SENP5: variants seen among roughly 807,000 people sequenced by gnomAD.
The protein encoded by SENP5 is SUMO specific peptidase 5.
SENP5 carries 21 observed loss-of-function variants against 74.2 expected under a neutral mutation model. That is an observed-to-expected ratio of 0.28 (90% CI 0.20 to 0.41). The LOEUF (loss-of-function observed/expected upper bound fraction) is 0.41. SENP5 is among the 10% of genes least tolerant of loss of function. SENP5 has a pLI of 1.00. For synonymous variants in SENP5, 311 were observed against 312.7 expected (o/e 0.99, Z 0.06); for missense variants, 717 against 889.1 (o/e 0.81, Z 2.46).
chr3:196,889,486 T>A (rs918348719), intron 2 of SENP5, among the ~76,000 whole-genome samples: 1 of 152,194 alleles, frequency 6.6e-6, no homozygotes, highest in East Asian at 1.9e-4. Context: ...AAAAATGGTA[T>A]CTCAGCAAGT....
rs966250542 is a variant in SENP5 at position 196,885,612 on chromosome 3, C to A, written c.431C>A (p.Pro144Gln). The change falls in exon 2 of 10, where the codon CCA (proline) becomes CAA (glutamine). Residue 144 changes from proline (P) to glutamine (Q), a missense_variant. Physicochemically the swap from Pro to Gln is moderately conservative, Grantham distance 76. This residue lies in a region of SENP5 where 567 missense variants were observed against 577.4 expected (regional missense o/e 0.98). Coordinates refer to ENST00000323460, the MANE Select transcript of SENP5 (RefSeq NM_152699.5). ...KNLLKAVTDF[P>Q]SNSALGQANG... ...CTCTTGAAGGCAGTTACTGACTTTC[C>A]ATCAAATAGTGCTTTAGGTCAGGCC... The A allele has an allele frequency of 3.7e-6, 6 of 1,614,042 alleles. No homozygotes were observed. Among genetic ancestry groups the A allele is most frequent in the Non-Finnish European group, 5.1e-6 (6 of 1,180,044 alleles).
chr3:196,930,459 C>T (rs975171817), intron 9 of SENP5, among the ~76,000 whole-genome samples: 1 of 152,176 alleles, frequency 6.6e-6, no homozygotes, highest in Non-Finnish European at 1.5e-5. Flanking sequence ...GTAGTTTAAA[C>T]AGACATGAAA....
intron 1 of SENP5, among the ~76,000 whole-genome samples, chr3:196,873,105 G>T (rs898881652): frequency 7.8e-6 from 1 of 128,420 alleles, no homozygotes; most frequent in African/African-American, 3.0e-5. Flanking sequence ...ACGGAGTCTC[G>T]CTCTGTTGCC....
chr3:196,929,570 T>G lies in SENP5; in HGVS notation c.2107-63T>G. ...TTTTGCGCATTTTTCCATAAAGGAG[T>G]TTTTCTTATCTGAAGAGAAGTAATG... On this transcript the variant is annotated intron_variant, in intron 8 of 9. Coordinates refer to ENST00000323460, the MANE Select transcript of SENP5 (RefSeq NM_152699.5). 4 of 1,067,290 alleles carry G rather than the reference T, an allele frequency of 3.7e-6. No homozygotes were observed. The South Asian group carries it at 5.6e-5, about 15-fold the overall frequency. 66.1% of individuals were successfully genotyped at this position (1,067,290 alleles called of 1,614,324 possible).
At chr3:196,905,533 G>C (rs1303532181) in intron 6 of SENP5, among the ~76,000 whole-genome samples, 1 of 152,094 alleles carries the variant, frequency 6.6e-6, no homozygotes, top group East Asian at 1.9e-4. Flanking sequence ...TGATTAATTT[G>C]CCGGAGCGGT....
intron 1 of SENP5, among the ~76,000 whole-genome samples, chr3:196,876,882 A>G (rs1713500725): frequency 6.6e-6 from 1 of 152,196 alleles, no homozygotes; most frequent in Admixed American, 6.5e-5. Context: ...AAAAAATAAG[A>G]AAGAGAAAGA....
At chr3:196,869,713 A>C (rs1406587596) in intron 1 of SENP5, among the ~76,000 whole-genome samples, 1 of 123,678 alleles carries the variant, frequency 8.1e-6, no homozygotes, top group East Asian at 2.7e-4. Context: ...GAGCTGAGAT[A>C]GTGCCATTAC....
chr3:196,879,193 C>T (rs1713615841), intron 1 of SENP5, among the ~76,000 whole-genome samples: 1 of 152,210 alleles, frequency 6.6e-6, no homozygotes, highest in Non-Finnish European at 1.5e-5. Context: ...AAGAATTTCC[C>T]ACACATTTCC....
chr3:196,892,018 C>T (rs1714225630), intron 2 of SENP5, among the ~76,000 whole-genome samples: 1 of 151,962 alleles, frequency 6.6e-6, no homozygotes, highest in Non-Finnish European at 1.5e-5. Flanking sequence ...TCTCAATCTC[C>T]TGACCTCATG....
chr3:196,923,350 C>T, intron 6 of SENP5, 64 bp from the exon 7 acceptor site: 1 of 1,532,978 alleles, frequency 6.5e-7, no homozygotes, highest in Non-Finnish European at 8.7e-7. Context: ...ATGGAAGCTG[C>T]TGGTTTTTGG....
Position 196,914,584 on chromosome 3 carries a change from AAAATATATATAT to A in SENP5, c.1885-8828_1885-8817del, listed in dbSNP as rs1183688019. 4.7e-4 allele frequency: 28 copies of A among 59,410 alleles called. 1 individual carries two copies. The East Asian group carries it at 7.6e-3, about 16-fold the overall frequency. 3.7% of individuals were successfully genotyped at this position (59,410 alleles called of 1,614,324 possible). ...TGCTTTAAAAAAAAAAAAAAAAAAA[AAAATATATATAT>A]ATATATATATATATATGTCTACACA... On this transcript the variant is annotated intron_variant, in intron 6 of 9. Coordinates refer to ENST00000323460, the MANE Select transcript of SENP5 (RefSeq NM_152699.5).
intron 1 of SENP5, among the ~76,000 whole-genome samples, chr3:196,881,895 A>C (rs1290272792): frequency 1.2e-5 from 1 of 83,694 alleles, no homozygotes; most frequent in African/African-American, 5.2e-5. Flanking sequence ...AGATAGTATT[A>C]GTTTTTTTTT....
intron 6 of SENP5, among the ~76,000 whole-genome samples, chr3:196,919,396 G>A (rs575493048): frequency 2.5e-4 from 38 of 152,160 alleles, no homozygotes; most frequent in Non-Finnish European, 4.9e-4. Flanking sequence ...CAGAAGAATC[G>A]CTTGAACCCT....
At chr3:196,898,263 A>G (rs567990455) in intron 2 of SENP5, among the ~76,000 whole-genome samples, 2 of 151,772 alleles carry the variant, frequency 1.3e-5, no homozygotes, top group South Asian at 4.2e-4. Context: ...TCAGGGATAT[A>G]TATAAGCACA....
intron 2 of SENP5, among the ~76,000 whole-genome samples, chr3:196,887,823 C>G (rs894550558): frequency 6.6e-6 from 1 of 152,048 alleles, no homozygotes; most frequent in Non-Finnish European, 1.5e-5. Flanking sequence ...GGCTGGAGTG[C>G]AGTGACGCAA....
intron 1 of SENP5, among the ~76,000 whole-genome samples, chr3:196,875,053 G>A (rs745998415): frequency 1.8e-4 from 28 of 152,134 alleles, no homozygotes; most frequent in Non-Finnish European, 3.5e-4. Context: ...TGTATATCTA[G>A]CTGTATATAT....
At chr3:196,911,312 C>A (rs916208280) in intron 6 of SENP5, among the ~76,000 whole-genome samples, 4 of 152,100 alleles carry the variant, frequency 2.6e-5, no homozygotes, top group Non-Finnish European at 4.4e-5. Context: ...AGTCTACCCA[C>A]CTGACAAAGA....
At chr3:196,905,321 G>GCAT (rs1714858113) in intron 6 of SENP5, 1 of 152,220 alleles carries the variant, frequency 6.6e-6, no homozygotes, top group Admixed American at 6.5e-5. Flanking sequence ...CAAGCAAGCA[G>GCAT]TTCTGCAGCG....
At chr3:196,869,203 A>AT (rs1327399977) in intron 1 of SENP5, among the ~76,000 whole-genome samples, 22 of 150,306 alleles carry the variant, frequency 1.5e-4, no homozygotes, top group Non-Finnish European at 2.7e-4. Flanking sequence ...TGGGCTCACA[A>AT]TTTTTTTTTG....
Sources: allele counts gnomAD v4.1 joint callset (sites outside exome capture counted in the v4.1 genomes callset), GRCh38; gene constraint gnomAD v4.1.1; regional missense constraint gnomAD v4.1.1; transcripts MANE v1.5; gene names NCBI Gene and HGNC (gene_info 2026-07-23, HGNC 2026-07-21).